Variants in TENM3 observed in about 807,000 individuals in gnomAD.
TENM3 encodes the protein teneurin transmembrane protein 3.
In TENM3, 63 loss-of-function variants were observed where a neutral mutation model predicts 255.1. The ratio of observed to expected loss-of-function variants is 0.25; its 90% CI spans 0.20 to 0.30. The LOEUF is 0.30. Ranked by LOEUF, TENM3 falls within the 10% of genes least tolerant of loss-of-function variation. The pLI is 1.00. For synonymous variants in TENM3, 1,306 were observed against 1,322.3 expected (o/e 0.99, Z 0.27); for missense variants, 2,929 against 3,461.1 (o/e 0.85, Z 3.86).
the TENM3 span, among the ~76,000 whole-genome samples, chr4:181,561,637 T>C: frequency 6.6e-6 from 1 of 152,228 alleles, no homozygotes; most frequent in Admixed American, 6.5e-5. Context: ...TTGAACAACA[T>C]GATTTTTACA....
the TENM3 span, among the ~76,000 whole-genome samples, chr4:181,693,011 G>A: frequency 7.9e-5 from 12 of 152,254 alleles, 1 homozygote; most frequent in South Asian, 2.5e-3. Flanking sequence ...GGAGCCCCAA[G>A]GGATAGAAGA....
At chr4:181,569,650 G>A in the TENM3 span, among the ~76,000 whole-genome samples, 1 of 152,130 alleles carries the variant, frequency 6.6e-6, no homozygotes, top group South Asian at 2.1e-4. Flanking sequence ...GCCCTAAGGT[G>A]TAGGCCTTTT....
At chr4:181,787,439 A>G in the TENM3 span, among the ~76,000 whole-genome samples, 1 of 151,906 alleles carries the variant, frequency 6.6e-6, no homozygotes, top group Non-Finnish European at 1.5e-5. Context: ...CCTTGGTTCA[A>G]GCAATTCCCC....
At chr4:181,692,739 G>A in the TENM3 span, among the ~76,000 whole-genome samples, 2 of 152,178 alleles carry the variant, frequency 1.3e-5, no homozygotes, top group Non-Finnish European at 2.9e-5. Flanking sequence ...GGAGGTACAG[G>A]ATGGTATGCG....
At chr4:181,606,982 G>A in the TENM3 span, among the ~76,000 whole-genome samples, 1 of 152,102 alleles carries the variant, frequency 6.6e-6, no homozygotes, top group East Asian at 1.9e-4. Context: ...AGACAAGAGT[G>A]GATAGCAGCC....
At chr4:182,746,775 G>A (rs1009369776) in intron 19 of TENM3, among the ~76,000 whole-genome samples, 4 of 152,252 alleles carry the variant, frequency 2.6e-5, no homozygotes, top group South Asian at 4.1e-4. Flanking sequence ...TAAAATAAAC[G>A]GAAGGAGAGA....
At chr4:182,713,414 TAGA>T (rs1486012973) in intron 12 of TENM3, among the ~76,000 whole-genome samples, 1 of 152,230 alleles carries the variant, frequency 6.6e-6, no homozygotes, top group Non-Finnish European at 1.5e-5. Context: ...TTTGTTAGAA[TAGA>T]TGCTAAGCTG....
chr4:181,965,533 C>A, the TENM3 span, among the ~76,000 whole-genome samples: 17 of 152,014 alleles, frequency 1.1e-4, no homozygotes, highest in South Asian at 4.1e-4. Context: ...TATTTATGAC[C>A]CTCCCATTTG....
chr4:182,332,584 C>T (rs939995360), intron 2 of TENM3, among the ~76,000 whole-genome samples: 4 of 151,870 alleles, frequency 2.6e-5, no homozygotes, highest in Non-Finnish European at 5.9e-5. Context: ...ATCCCAGCTA[C>T]TTGGGAGGCT....
chr4:181,947,291 T>A, the TENM3 span, among the ~76,000 whole-genome samples: 1 of 152,208 alleles, frequency 6.6e-6, no homozygotes, highest in East Asian at 1.9e-4. Context: ...TTTTTAAAAA[T>A]GCAAAATTGA....
the TENM3 span, among the ~76,000 whole-genome samples, chr4:181,930,396 C>A: frequency 6.6e-6 from 1 of 152,144 alleles, no homozygotes; most frequent in Non-Finnish European, 1.5e-5. Flanking sequence ...CACCTCTAGG[C>A]AAATAAACTA....
chr4:182,533,040 T>C (rs1431078973), intron 3 of TENM3, among the ~76,000 whole-genome samples: 1 of 152,150 alleles, frequency 6.6e-6, no homozygotes, highest in Non-Finnish European at 1.5e-5. Context: ...AGGAGTCATA[T>C]TATTATGCCT....
chr4:182,010,625 TC>T, the TENM3 span, among the ~76,000 whole-genome samples: 5 of 152,162 alleles, frequency 3.3e-5, no homozygotes, highest in Admixed American at 2.0e-4. Flanking sequence ...TGAAATGTTC[TC>T]TCCCTTATTT....
the TENM3 span, among the ~76,000 whole-genome samples, chr4:181,902,885 T>C: frequency 6.6e-6 from 1 of 152,194 alleles, no homozygotes. Flanking sequence ...TTTTTTCACA[T>C]GATACTGAGT....
chr4:182,504,621 C>T (rs1458031952), intron 3 of TENM3, among the ~76,000 whole-genome samples: 5 of 152,142 alleles, frequency 3.3e-5, no homozygotes, highest in Non-Finnish European at 7.3e-5. Context: ...TATTCGCATG[C>T]GAATGAAGAG....
the TENM3 span, among the ~76,000 whole-genome samples, chr4:182,108,138 G>A: frequency 7.2e-5 from 11 of 152,280 alleles, no homozygotes; most frequent in East Asian, 2.1e-3. Flanking sequence ...CAGCATCAGA[G>A]CATGTGCCCA....
chr4:182,039,547 T>G, the TENM3 span, among the ~76,000 whole-genome samples: 1 of 152,082 alleles, frequency 6.6e-6, no homozygotes, highest in Non-Finnish European at 1.5e-5. Flanking sequence ...GTTCCCACTG[T>G]GTGAAAAAAT....
At chr4:181,849,949 T>TCTCTCTCACACACA in the TENM3 span, among the ~76,000 whole-genome samples, 3,916 of 65,922 alleles carry the variant, frequency 0.059, 203 homozygotes, top group Non-Finnish European at 0.083. Flanking sequence ...TCTCTCTCTC[T>TCTCTCTCACACACA]CACACACACA....
chr4:182,186,336 A>G (rs900255758), intron 1 of TENM3, among the ~76,000 whole-genome samples: 4 of 152,166 alleles, frequency 2.6e-5, no homozygotes, highest in Admixed American at 2.0e-4. Context: ...AAACTGATAT[A>G]TGATCATGTT....
Sources: gnomAD v4.1 joint callset for allele counts (sites outside exome capture counted in the v4.1 genomes callset) on GRCh38, gnomAD v4.1.1 for gene constraint, MANE v1.5 for transcripts, NCBI Gene and HGNC (gene_info 2026-07-23, HGNC 2026-07-21) for gene names.